Variants in STIM1 observed in about 807,000 individuals in gnomAD.
The protein encoded by STIM1 is stromal interaction molecule 1.
Under a neutral mutation model 74.7 loss-of-function variants are expected in STIM1, and 25 were observed. That is an observed-to-expected ratio of 0.33 (90% CI 0.24 to 0.47). The LOEUF is 0.47. STIM1 is among the 20% of genes least tolerant of loss of function. The pLI is 1.00. For missense variants in STIM1, 728 were observed against 920.8 expected, an observed-to-expected ratio of 0.79 and a Z score of 2.71; for synonymous variants, 328 against 348.8, an observed-to-expected ratio of 0.94 and a Z score of 0.66.
At chr11:3,907,865 G>A (rs2092492224) in intron 1 of STIM1, among the ~76,000 whole-genome samples, 1 of 152,218 alleles carries the variant, frequency 6.6e-6, no homozygotes, top group African/African-American at 2.4e-5. Flanking sequence ...CCTTTGCATT[G>A]GTTCTTCCTT....
intron 2 of STIM1, among the ~76,000 whole-genome samples, chr11:3,969,932 C>A (rs1332951912): frequency 6.6e-6 from 1 of 152,222 alleles, no homozygotes; most frequent in Non-Finnish European, 1.5e-5. Flanking sequence ...AGAATACAGC[C>A]ATGTTCCTGG....
At chr11:3,867,309 CA>C (rs1337028868) in intron 1 of STIM1, 1 of 152,260 alleles carries the variant, frequency 6.6e-6, no homozygotes, top group East Asian at 1.9e-4. Flanking sequence ...TTTGCCACAG[CA>C]ATGACTACCC....
intron 1 of STIM1, among the ~76,000 whole-genome samples, chr11:3,910,468 C>G (rs1374284208): frequency 1.3e-5 from 2 of 152,136 alleles, no homozygotes; most frequent in Non-Finnish European, 2.9e-5. Context: ...GTGGCACCTG[C>G]TTGCAGTCCC....
intron 2 of STIM1, among the ~76,000 whole-genome samples, chr11:4,001,611 G>A (rs1271788893): frequency 3.3e-5 from 5 of 152,170 alleles, no homozygotes; most frequent in East Asian, 1.9e-4. Context: ...AGGCACAACC[G>A]GTACCAGCCA....
At chr11:3,982,346 A>G (rs990434747) in intron 2 of STIM1, among the ~76,000 whole-genome samples, 1 of 152,056 alleles carries the variant, frequency 6.6e-6, no homozygotes, top group African/African-American at 2.4e-5. Context: ...ATTTTCTTAA[A>G]CTCTGTGAAC....
At chr11:3,937,319 A>ATAATAATAATAATAATAATAATAATAG (rs55981710) in intron 1 of STIM1, among the ~76,000 whole-genome samples, 1 of 148,980 alleles carries the variant, frequency 6.7e-6, no homozygotes, top group South Asian at 2.1e-4. Context: ...AATAATAATA[A>ATAATAATAATAATAATAATAATAATAG]AATATCTGGA....
rs118007641 is a variant in STIM1, at chr11:3,949,364, G to A, written c.140-18188G>A. Among the ~76,000 whole-genome samples, 157 of 152,276 alleles carry A rather than the reference G, an allele frequency of 1.0e-3. 1 individual carries two copies. Among genetic ancestry groups the A allele is most frequent in the Non-Finnish European group, 1.3e-3 (88 of 68,012 alleles). On this transcript the variant is annotated intron_variant, in intron 1 of 12. Transcript: ENST00000526596. ...TAATTTAGTATGGTGGGAGTGTAGG[G>A]TATATGTGAGCTGGTGAGTGGCAGG... is the stretch of plus-strand genomic sequence containing the variant.
chr11:3,856,227 C>G lies in STIM1; in HGVS notation c.-44C>G. ...GGCTCCTGGCTTTGCCTCTGGGATC[C>G]CGAGGTGTCCACATCAGACGCATGT... On this transcript the variant is annotated 5_prime_UTR_variant, in exon 1 of 13. Transcript: ENST00000526596. 1 of 1,613,168 alleles carries G rather than the reference C, an allele frequency of 6.2e-7. No homozygotes were observed. Among genetic ancestry groups the G allele is most frequent in the Non-Finnish European group, 8.5e-7 (1 of 1,179,804 alleles).
At chr11:4,059,186 A>T (rs536086680) in intron 4 of STIM1, 95 bp from the exon 5 acceptor site, 1 of 1,090,242 alleles carries the variant, frequency 9.2e-7, no homozygotes, top group African/African-American at 1.5e-5. Context: ...AATCACCAAG[A>T]GCTAGAAGTG....
At position 4,091,880 on chromosome 11, in the gene STIM1, C is replaced by G. The variant is rs200339788; in HGVS notation, c.*82C>G. The G allele has an allele frequency of 1.1e-4, 169 of 1,575,028 alleles. No individual in the cohort carries two copies. Among genetic ancestry groups the G allele is most frequent in the South Asian group, 4.2e-4 (37 of 88,586 alleles). Reference sequence around the variant, plus strand: ...CCTTCCCTCCCTTCCTTCAAGATAACTGGCCCCAAGAGTGGGGCATGGGAA... The same window carrying G: ...CCTTCCCTCCCTTCCTTCAAGATAAGTGGCCCCAAGAGTGGGGCATGGGAA... On this transcript the variant is annotated 3_prime_UTR_variant, in exon 13 of 13. Coordinates refer to ENST00000526596, the MANE Select transcript of STIM1 (RefSeq NM_001382567.1).
intron 2 of STIM1, among the ~76,000 whole-genome samples, chr11:4,003,839 C>T (rs2093747722): frequency 6.6e-6 from 1 of 152,024 alleles, no homozygotes; most frequent in African/African-American, 2.4e-5. Context: ...CTAGAAAACC[C>T]CATTGTCTCA....
chr11:4,037,763 T>G (rs548856037), intron 3 of STIM1, among the ~76,000 whole-genome samples: 50 of 152,150 alleles, frequency 3.3e-4, no homozygotes, highest in Non-Finnish European at 5.9e-4. Flanking sequence ...ATTTAGACCA[T>G]TTACGTTTGG....
chr11:3,889,519 C>A (rs190990916), intron 1 of STIM1, among the ~76,000 whole-genome samples: 3 of 152,026 alleles, frequency 2.0e-5, no homozygotes, highest in African/African-American at 7.3e-5. Context: ...AGGCACACGC[C>A]ACCGCATCTG....
intron 1 of STIM1, among the ~76,000 whole-genome samples, chr11:3,928,281 A>C (rs1217208749): frequency 6.7e-6 from 1 of 148,930 alleles, no homozygotes; most frequent in Non-Finnish European, 1.5e-5. Context: ...GCTGGAGTGC[A>C]GTGGTGCAAT....
At chr11:4,085,518 G>A (rs2094488766) in intron 11 of STIM1, among the ~76,000 whole-genome samples, 1 of 152,176 alleles carries the variant, frequency 6.6e-6, no homozygotes, top group South Asian at 2.1e-4. Context: ...CTGGTTCTTT[G>A]TTGTTTATGT....
intron 1 of STIM1, among the ~76,000 whole-genome samples, chr11:3,952,581 A>G (rs989129799): frequency 5.9e-5 from 9 of 152,094 alleles, no homozygotes; most frequent in African/African-American, 2.2e-4. Flanking sequence ...AAAGACCCAT[A>G]TTTGCTACCT....
At chr11:4,075,644 T>A (rs939601844) in intron 7 of STIM1, among the ~76,000 whole-genome samples, 2 of 152,202 alleles carry the variant, frequency 1.3e-5, no homozygotes, top group African/African-American at 4.8e-5. Context: ...AACATTTGGG[T>A]TGTCTGCAGT....
At chr11:3,945,723 G>A (rs1279890409) in intron 1 of STIM1, among the ~76,000 whole-genome samples, 2 of 152,192 alleles carry the variant, frequency 1.3e-5, no homozygotes, top group Non-Finnish European at 2.9e-5. Flanking sequence ...TAGCACAGGT[G>A]TATTAGCCAT....
At chr11:3,917,414 T>A (rs571827383) in intron 1 of STIM1, among the ~76,000 whole-genome samples, 1 of 151,672 alleles carries the variant, frequency 6.6e-6, no homozygotes, top group East Asian at 1.9e-4. Flanking sequence ...AAAAGGTGAA[T>A]GCTGACTTCA....
Sources: allele counts gnomAD v4.1 joint callset (sites outside exome capture counted in the v4.1 genomes callset), GRCh38; gene constraint gnomAD v4.1.1; transcripts MANE v1.5; gene names NCBI Gene and HGNC (gene_info 2026-07-23, HGNC 2026-07-21).